HYAL4: variants seen among roughly 807,000 people sequenced by gnomAD.
HYAL4 encodes hyaluronidase-4.
A neutral mutation model predicts 35.2 loss-of-function variants in HYAL4; 37 were observed. The ratio of observed to expected loss-of-function variants is 1.05; its 90% CI spans 0.81 to 1.38. The LOEUF is 1.38. HYAL4 is among the 40% of genes most tolerant of loss of function. The pLI, the probability that HYAL4 is intolerant of heterozygous loss-of-function variation, is 0.00. For synonymous variants in HYAL4, 198 were observed against 203.2 expected, an observed-to-expected ratio of 0.97 and a Z score of 0.22; for missense variants, 572 against 572.4, an observed-to-expected ratio of 1.00 and a Z score of 0.01.
At chr7:123,866,499 G>A (rs1806689511) in intron 2 of HYAL4, among the ~76,000 whole-genome samples, 2 of 152,116 alleles carry the variant, frequency 1.3e-5, no homozygotes, top group Non-Finnish European at 2.9e-5. Flanking sequence ...TTATGGTGCA[G>A]AATTGACTAC....
chr7:123,838,425 G>A (rs929901197), intron 1 of HYAL4, among the ~76,000 whole-genome samples: 9 of 151,636 alleles, frequency 5.9e-5, no homozygotes, highest in East Asian at 3.9e-4. Flanking sequence ...CTAATATGAC[G>A]GACAACCCCA....
At chr7:123,808,829 A>G in the HYAL4 span, among the ~76,000 whole-genome samples, 1 of 152,156 alleles carries the variant, frequency 6.6e-6, no homozygotes, top group Non-Finnish European at 1.5e-5. Context: ...TAGTTGGAGC[A>G]CCTTTTCACT....
At chr7:123,857,684 T>C (rs200344605) in intron 2 of HYAL4, among the ~76,000 whole-genome samples, 403 of 106,954 alleles carry the variant, frequency 3.8e-3, no homozygotes, top group Middle Eastern at 9.5e-3. Flanking sequence ...TTTCTTTCTT[T>C]CTTTCTTTCT....
the HYAL4 span, among the ~76,000 whole-genome samples, chr7:123,770,374 G>A: frequency 2.8e-4 from 43 of 151,556 alleles, 1 homozygote; most frequent in African/African-American, 1.0e-3. Context: ...CCCGGGAGGC[G>A]GAGCTTGCAG....
the HYAL4 span, among the ~76,000 whole-genome samples, chr7:123,793,838 G>C: frequency 2.0e-5 from 3 of 152,198 alleles, no homozygotes; most frequent in Admixed American, 6.5e-5. Context: ...CTGCTGTAAA[G>C]ATACCCCAAA....
At chr7:123,809,978 A>G in the HYAL4 span, among the ~76,000 whole-genome samples, 1 of 152,218 alleles carries the variant, frequency 6.6e-6, no homozygotes, top group Non-Finnish European at 1.5e-5. Context: ...CAACAACCAG[A>G]TTTTAGCACT....
upstream of HYAL4, among the ~76,000 whole-genome samples, chr7:123,828,427 T>TACACACACACACACAC (rs34327472): frequency 1.4e-5 from 2 of 141,304 alleles, no homozygotes; most frequent in South Asian, 2.4e-4. Context: ...TGTTCATAAT[T>TACACACACACACACAC]ACACACACAC....
chr7:123,858,602 T>G (rs982590476), intron 2 of HYAL4, among the ~76,000 whole-genome samples: 9 of 152,112 alleles, frequency 5.9e-5, no homozygotes, highest in African/African-American at 1.4e-4. Context: ...ATTTATAAAT[T>G]AGAATTTAAG....
At chr7:123,765,939 T>C in the HYAL4 span, among the ~76,000 whole-genome samples, 2 of 152,210 alleles carry the variant, frequency 1.3e-5, no homozygotes, top group Non-Finnish European at 2.9e-5. Flanking sequence ...GTTTCATTTA[T>C]TATTGTTTTA....
the HYAL4 span, among the ~76,000 whole-genome samples, chr7:123,767,945 T>C: frequency 6.6e-6 from 1 of 152,052 alleles, no homozygotes; most frequent in South Asian, 2.1e-4. Context: ...AAATAAACAA[T>C]GAATAACTTT....
chr7:123,809,274 A>G, the HYAL4 span, among the ~76,000 whole-genome samples: 10 of 152,220 alleles, frequency 6.6e-5, no homozygotes, highest in Admixed American at 3.3e-4. Flanking sequence ...TAGATCAAAT[A>G]CATCTTCTCT....
At position 123,848,102 on chromosome 7, in the gene HYAL4, A is replaced by G. The variant is rs924976819; in HGVS notation, c.-108A>G. 1.3e-5 allele frequency: 2 copies of G among 152,650 alleles called. No homozygotes were observed. Among genetic ancestry groups the G allele is most frequent in the African/African-American group, 4.8e-5 (2 of 41,464 alleles). The allele number at this position is 152,650 out of a possible 1,614,324, so 9.5% of individuals were successfully genotyped here. On this transcript the variant is annotated 5_prime_UTR_variant, in exon 2 of 5. Coordinates refer to ENST00000223026, the MANE Select transcript of HYAL4 (RefSeq NM_012269.3). ...AACCACGCACAGGACATCCTTTGCC[A>G]TTCAACCTCTGATTTGCACAAGGTG... is the stretch of plus-strand genomic sequence containing the variant.
chr7:123,876,948 G>A lies in HYAL4; in HGVS notation c.1239G>A (p.Gly413=), dbSNP rs1807043679. ...ASYHIEASED[G]EFTVKGKASD... is the part of the protein sequence containing the mutation. ...ACCACATAGAGGCCTCTGAGGACGG[G>A]GAGTTTACTGTGAAAGGAAAAGCAT... The change falls in exon 5 of 5, where the codon GGG becomes GGA. Residue 413 remains glycine, a synonymous_variant. Transcript: ENST00000223026. 1 of 1,614,168 alleles carries A rather than the reference G, an allele frequency of 6.2e-7. No homozygotes were observed. The highest frequency in any genetic ancestry group is 1.1e-5 in the South Asian group (1 of 91,078).
At chr7:123,839,439 A>G (rs2116914136) in intron 1 of HYAL4, among the ~76,000 whole-genome samples, 1 of 152,350 alleles carries the variant, frequency 6.6e-6, no homozygotes, top group South Asian at 2.1e-4. Flanking sequence ...TAGTGCCGCA[A>G]TAAACATGTA....
chr7:123,857,026 G>A (rs902427476), intron 2 of HYAL4, among the ~76,000 whole-genome samples: 4 of 152,136 alleles, frequency 2.6e-5, no homozygotes, highest in African/African-American at 7.2e-5. Context: ...AATGGTGGAC[G>A]CCCCTCCCTC....
At chr7:123,775,933 A>T in the HYAL4 span, among the ~76,000 whole-genome samples, 1 of 152,192 alleles carries the variant, frequency 6.6e-6, no homozygotes, top group Non-Finnish European at 1.5e-5. Context: ...TTGCAAGCTC[A>T]AACTGGCCTG....
intron 2 of HYAL4, among the ~76,000 whole-genome samples, chr7:123,867,989 G>A (rs1427669448): frequency 1.3e-5 from 2 of 152,086 alleles, no homozygotes; most frequent in African/African-American, 4.8e-5. Flanking sequence ...TATTCATTTT[G>A]TTTTCTGGAC....
At chr7:123,815,071 A>T in the HYAL4 span, 1 of 152,734 alleles carries the variant, frequency 6.5e-6, no homozygotes, top group African/African-American at 2.4e-5. Flanking sequence ...AAAAAAATGG[A>T]AATTTGGTAG....
At chr7:123,787,123 A>G in the HYAL4 span, among the ~76,000 whole-genome samples, 8 of 148,944 alleles carry the variant, frequency 5.4e-5, no homozygotes, top group South Asian at 2.1e-4. Context: ...AAAAAAAAAA[A>G]AAAAGAAAAA....
Sources: allele counts gnomAD v4.1 joint callset (sites outside exome capture counted in the v4.1 genomes callset), GRCh38; gene constraint gnomAD v4.1.1; transcripts MANE v1.5; gene names NCBI Gene and HGNC (gene_info 2026-07-23, HGNC 2026-07-21).